The following RCAN1 variants were observed in gnomAD, a reference collection of about 807,000 sequenced individuals.
The protein encoded by RCAN1 is regulator of calcineurin 1.
RCAN1 carries 11 observed loss-of-function variants against 22.9 expected under a neutral mutation model. The ratio of observed to expected loss-of-function variants is 0.48; its 90% CI spans 0.30 to 0.79. The LOEUF is 0.79. Ranked by LOEUF, RCAN1 falls within the 30% of genes least tolerant of loss-of-function variation. The probability of loss-of-function intolerance (pLI) is 0.06; values close to 1 mark genes in which losing one functional copy is unlikely to be tolerated. For synonymous variants in RCAN1, 136 were observed against 142.3 expected (o/e 0.96, Z 0.32); for missense variants, 291 against 337.8 (o/e 0.86, Z 1.09).
chr21:34,534,418 C>T (rs751172647), intron 1 of RCAN1, among the ~76,000 whole-genome samples: 3 of 152,126 alleles, frequency 2.0e-5, no homozygotes, highest in South Asian at 2.1e-4. Context: ...TCCCACCTCC[C>T]GCTGTCACCA....
intron 1 of RCAN1, among the ~76,000 whole-genome samples, chr21:34,609,325 A>G (rs992916813): frequency 9.2e-5 from 14 of 152,190 alleles, no homozygotes; most frequent in African/African-American, 3.4e-4. Context: ...ACTGAACTGT[A>G]TGTGAAATGA....
chr21:34,557,749 A>C (rs936203674), intron 1 of RCAN1, among the ~76,000 whole-genome samples: 2 of 152,234 alleles, frequency 1.3e-5, no homozygotes, highest in African/African-American at 4.8e-5. Flanking sequence ...TGATAGATTT[A>C]ACAGCCACTA....
intron 1 of RCAN1, among the ~76,000 whole-genome samples, chr21:34,535,275 T>A (rs946054195): frequency 6.6e-6 from 1 of 152,184 alleles, no homozygotes; most frequent in African/African-American, 2.4e-5. Flanking sequence ...TTAAAGGAAT[T>A]TCTATTTTTG....
intron 1 of RCAN1, among the ~76,000 whole-genome samples, chr21:34,540,712 C>T (rs1468300657): frequency 2.0e-5 from 3 of 152,018 alleles, no homozygotes; most frequent in Admixed American, 6.6e-5. Flanking sequence ...GTGGGCCAGG[C>T]GTGGTGGCTC....
At chr21:34,603,229 G>A (rs2123728289) in intron 1 of RCAN1, among the ~76,000 whole-genome samples, 1 of 152,270 alleles carries the variant, frequency 6.6e-6, no homozygotes, top group African/African-American at 2.4e-5. Flanking sequence ...GCCCCCCGGC[G>A]GCGACCGCTG....
chr21:34,530,097 C>T (rs1015549025), intron 1 of RCAN1, among the ~76,000 whole-genome samples: 3 of 152,160 alleles, frequency 2.0e-5, no homozygotes, highest in Non-Finnish European at 4.4e-5. Context: ...AGTGTGAAAA[C>T]GGACTAATAT....
intron 2 of RCAN1, chr21:34,523,226 T>G: frequency 3.3e-6 from 1 of 298,528 alleles, no homozygotes; most frequent in South Asian, 4.1e-5. Flanking sequence ...TGCGCAAACC[T>G]TAGGGTGTTT....
intron 1 of RCAN1, among the ~76,000 whole-genome samples, chr21:34,603,748 C>T (rs7276079): frequency 0.94 from 142,833 of 152,306 alleles, 67,057 homozygotes; most frequent in African/African-American, 0.97. Flanking sequence ...TCTTAGAAGG[C>T]TGTAAGAAGG....
intron 1 of RCAN1, chr21:34,525,217 A>C: frequency 6.4e-7 from 1 of 1,550,616 alleles, no homozygotes; most frequent in Non-Finnish European, 8.7e-7. Context: ...CCTGCTCCAC[A>C]TGGGGCTGCG....
At chr21:34,565,081 A>G (rs56324822) in intron 1 of RCAN1, among the ~76,000 whole-genome samples, 36,611 of 151,994 alleles carry the variant, frequency 0.24, 5,109 homozygotes, top group African/African-American at 0.38. Flanking sequence ...GCATGGTGGC[A>G]TGCACCTGTG....
At chr21:34,612,255 TG>T (rs1180300086) in intron 1 of RCAN1, among the ~76,000 whole-genome samples, 1 of 152,198 alleles carries the variant, frequency 6.6e-6, no homozygotes, top group East Asian at 1.9e-4. Flanking sequence ...ATCCTTACCA[TG>T]GCCCCAGGGG....
intron 1 of RCAN1, among the ~76,000 whole-genome samples, chr21:34,554,088 T>C (rs770360635): frequency 1.3e-5 from 2 of 152,198 alleles, no homozygotes; most frequent in Non-Finnish European, 2.9e-5. Context: ...TCAGAAACAA[T>C]GCACTATTCG....
intron 1 of RCAN1, among the ~76,000 whole-genome samples, chr21:34,527,966 A>C (rs1426407432): frequency 1.3e-5 from 2 of 152,198 alleles, no homozygotes; most frequent in African/African-American, 2.4e-5. Context: ...GCGATGCAAG[A>C]CTGACTCTAG....
rs187792845 is a variant in RCAN1 at position 34,592,666 on chromosome 21, C to A, written c.252+22094G>T. On this transcript the variant is annotated intron_variant, in intron 1 of 3. Transcript: ENST00000313806. ...AGAGGATAATCATTTATGAATAAAC[C>A]CATGATGATTTACGTTCCCCTCAAA... Among the ~76,000 whole-genome samples, 593 of 152,208 alleles carry A rather than the reference C, an allele frequency of 3.9e-3. 1 individual carries two copies. The highest frequency in any genetic ancestry group is 0.01 in the Middle Eastern group (3 of 294).
rs778095887 is a variant in RCAN1, at chr21:34,523,687, CCTAAAGAGGGA to C, written c.265_275del (p.Ser89AspfsTer3). On this transcript the variant is annotated frameshift_variant, in exon 2 of 4. Coordinates refer to ENST00000313806, the MANE Select transcript of RCAN1 (RefSeq NM_004414.7). LOFTEE classifies it high-confidence loss of function. ...GAAAGGTGATGTCCTTGTCATACGTCCTAAAGAGGGACTCAAATTTGGCCTGAAAAATAACA... is the reference window on the plus strand; with the variant it reads ...GAAAGGTGATGTCCTTGTCATACGTCCTCAAATTTGGCCTGAAAAATAACA... 6.2e-7 allele frequency: 1 copy of C among 1,611,696 alleles called. No individual in the cohort carries two copies. The highest frequency in any genetic ancestry group is 8.5e-7 in the Non-Finnish European group (1 of 1,179,442).
chr21:34,538,359 G>C (rs7275710), intron 1 of RCAN1, among the ~76,000 whole-genome samples: 36,333 of 151,956 alleles, frequency 0.24, 5,043 homozygotes, highest in African/African-American at 0.38. Flanking sequence ...TTTAAGAAAC[G>C]CTCCCTGTTG....
At chr21:34,586,376 A>G (rs1987797208) in intron 1 of RCAN1, among the ~76,000 whole-genome samples, 1 of 140,056 alleles carries the variant, frequency 7.1e-6, no homozygotes, top group African/African-American at 2.7e-5. Context: ...TTACTCTAGG[A>G]ATCAATAACA....
intron 1 of RCAN1, among the ~76,000 whole-genome samples, chr21:34,585,948 T>C (rs913890107): frequency 6.6e-6 from 1 of 151,978 alleles, no homozygotes; most frequent in Non-Finnish European, 1.5e-5. Context: ...GCAAAAAAGA[T>C]GGACATTTAA....
chr21:34,541,550 T>C (rs1568896465), intron 1 of RCAN1, among the ~76,000 whole-genome samples: 1 of 152,260 alleles, frequency 6.6e-6, no homozygotes, highest in East Asian at 1.9e-4. Context: ...TGTATTTTTT[T>C]GCATGGCATT....
Sources: gnomAD v4.1 joint callset for allele counts (sites outside exome capture counted in the v4.1 genomes callset) on GRCh38, gnomAD v4.1.1 for gene constraint, MANE v1.5 for transcripts, NCBI Gene and HGNC (gene_info 2026-07-23, HGNC 2026-07-21) for gene names.